The following GSDMA variants were observed in gnomAD, a reference collection of about 807,000 sequenced individuals.
GSDMA encodes gasdermin A, also known as gasdermin-A.
A neutral mutation model predicts 54.3 loss-of-function variants in GSDMA; 55 were observed. The observed-to-expected ratio is 1.01, with a 90% confidence interval of 0.82 to 1.27. The LOEUF is 1.27. Among genes scored for constraint, GSDMA ranks in the 50% most tolerant of loss-of-function variants. The pLI, the probability that GSDMA is intolerant of heterozygous loss-of-function variation, is 0.00. For synonymous variants in GSDMA, 211 were observed against 224.7 expected (o/e 0.94, Z 0.54); for missense variants, 542 against 542.6 (o/e 1.00, Z 0.01).
chr17:39,971,987 G>A, intron 5 of GSDMA, 142 bp from the exon 6 acceptor site: 2 of 610,822 alleles, frequency 3.3e-6, no homozygotes, highest in Non-Finnish European at 5.9e-6. Context: ...TTCCAGCAAT[G>A]GAGGTTGAAG....
intron 3 of GSDMA, among the ~76,000 whole-genome samples, chr17:39,967,114 T>C (rs1460351561): frequency 6.6e-6 from 1 of 152,180 alleles, no homozygotes; most frequent in Non-Finnish European, 1.5e-5. Context: ...AGCATGTATA[T>C]AGTAAAGCAC....
Position 39,972,573 on chromosome 17 carries a change from T to C in GSDMA, c.704-14T>C, listed in dbSNP as rs369345717. Reference sequence around the variant, plus strand: ...GGTTTTGTGCTGACAGATGTGCATTTTTTCTGTCTTCAGAAAAGTCAGGAG... The same window carrying C: ...GGTTTTGTGCTGACAGATGTGCATTCTTTCTGTCTTCAGAAAAGTCAGGAG... On this transcript the variant is annotated splice_polypyrimidine_tract_variant and intron_variant, in intron 6 of 11. Transcript: ENST00000301659. 3 of 1,612,542 alleles carry C rather than the reference T, an allele frequency of 1.9e-6. No homozygotes were observed. Among genetic ancestry groups the C allele is most frequent in the Non-Finnish European group, 2.5e-6 (3 of 1,179,270 alleles).
At chr17:39,975,098 A>AAATG (rs1980144344) in intron 10 of GSDMA, 84 bp downstream of exon 10, 1 of 761,288 alleles carries the variant, frequency 1.3e-6, no homozygotes, top group East Asian at 2.7e-5. Flanking sequence ...ATGGATGAAT[A>AAATG]AATGAATGAA....
intron 5 of GSDMA, 70 bp downstream of exon 5, chr17:39,971,690 C>T: frequency 2.6e-6 from 3 of 1,145,654 alleles, no homozygotes; most frequent in Non-Finnish European, 3.9e-6. Context: ...GCACCCTGGT[C>T]CCCTCTTGCG....
Position 39,971,617 on chromosome 17 carries a change from T to TG in GSDMA, c.655+1dup, listed in dbSNP as rs750907743. 6.2e-7 allele frequency: 1 copy of TG among 1,611,854 alleles called. No individual in the cohort carries two copies. The highest frequency in any genetic ancestry group is 8.5e-7 in the Non-Finnish European group (1 of 1,178,448). ...GCTGATGGTCAAAGGCAAAGATGAG[T>TG]GGGGTGAGCAGAGACCCGCATGTTC... On this transcript the variant is annotated frameshift_variant, in exon 5 of 12. Transcript: ENST00000301659. LOFTEE classifies it high-confidence loss of function.
intron 6 of GSDMA, among the ~76,000 whole-genome samples, 170 bp downstream of exon 6, chr17:39,972,346 G>A (rs1979991852): frequency 6.6e-6 from 1 of 152,074 alleles, no homozygotes; most frequent in Non-Finnish European, 1.5e-5. Context: ...GACAGATAGA[G>A]GCATATAAAT....
intron 5 of GSDMA, among the ~76,000 whole-genome samples, chr17:39,971,894 A>G (rs1979966002): frequency 6.6e-6 from 1 of 151,418 alleles, no homozygotes; most frequent in Non-Finnish European, 1.5e-5. Flanking sequence ...CTGTGGCCAA[A>G]GGAGGAAACA....
chr17:39,967,555 A>G (rs1054807818), intron 3 of GSDMA, among the ~76,000 whole-genome samples: 4 of 152,240 alleles, frequency 2.6e-5, no homozygotes, highest in Non-Finnish European at 5.9e-5. Context: ...TGTAGGCACC[A>G]GGAAGATCCT....
chr17:39,977,351 G>GTGCTGT lies in GSDMA; in HGVS notation c.*293_*294insTGCTGT. 3.8e-6 allele frequency: 1 copy of GTGCTGT among 260,606 alleles called. No individual in the cohort carries two copies. The highest frequency in any genetic ancestry group is 7.2e-6 in the Non-Finnish European group (1 of 138,208). The allele number at this position is 260,606 out of a possible 1,614,324, so 16.1% of individuals were successfully genotyped here. ...CTGTCACCCAGGCTGGAGTGCAGTG[G>GTGCTGT]CTTGATCTTGGCTCACTGCAACCTC... On this transcript the variant is annotated 3_prime_UTR_variant, in exon 12 of 12. Transcript: ENST00000301659.
chr17:39,972,642 CT>C, intron 7 of GSDMA, 29 bp downstream of exon 7: 1 of 1,599,128 alleles, frequency 6.3e-7, no homozygotes, highest in Non-Finnish European at 8.6e-7. Flanking sequence ...TCCACTGAAA[CT>C]TTCTTGACTC....
Position 39,974,416 on chromosome 17 carries a change from C to A in GSDMA, c.895C>A (p.Leu299Ile). 1 of 1,581,184 alleles carries A rather than the reference C, an allele frequency of 6.3e-7. No homozygotes were observed. The highest frequency in any genetic ancestry group is 8.6e-7 in the Non-Finnish European group (1 of 1,163,814). Residue 299 changes from leucine (L) to isoleucine (I), a missense_variant, in exon 9 of 12, where the codon CTT becomes ATT. By Grantham distance (5) the Leu-to-Ile change is conservative. Transcript: ENST00000301659. ...LLGKKKELQD[L>I]ELALEGALDK... ...AGGGAAGAAAAAGGAGCTACAAGACCTTGAGCTCGCAGTGAGGACCTAGTG... is the reference window on the plus strand; with the variant it reads ...AGGGAAGAAAAAGGAGCTACAAGACATTGAGCTCGCAGTGAGGACCTAGTG...
intron 3 of GSDMA, among the ~76,000 whole-genome samples, chr17:39,968,218 T>G (rs1026561571): frequency 6.6e-6 from 1 of 151,922 alleles, no homozygotes; most frequent in African/African-American, 2.4e-5. Flanking sequence ...TTTTGTATTA[T>G]TAGTAGAGAT....
intron 6 of GSDMA, 119 bp downstream of exon 6, chr17:39,972,295 T>A (rs1979989386): frequency 4.0e-6 from 3 of 757,314 alleles, no homozygotes; most frequent in Admixed American, 2.4e-5. Flanking sequence ...TCTGCTTTTG[T>A]TTCCCAAGTC....
In GSDMA at chr17:39,971,552, C is replaced by T. The variant is rs764666297; in HGVS notation, c.587C>T (p.Thr196Ile). 4.3e-6 allele frequency: 7 copies of T among 1,613,684 alleles called. No homozygotes were observed. The highest frequency in any genetic ancestry group is 5.1e-6 in the Non-Finnish European group (6 of 1,179,748). Residue 196 changes from threonine to isoleucine, a missense_variant, in exon 5 of 12, where the codon ACC becomes ATC. By Grantham distance (89) the Thr-to-Ile change is moderately conservative. Coordinates refer to ENST00000301659, the MANE Select transcript of GSDMA (RefSeq NM_178171.5). ...QGSINHKEAVTIPKGCVLAFR... is the reference protein window; with the variant it reads ...QGSINHKEAVIIPKGCVLAFR... Reference sequence around the variant, plus strand: ...TCCATAAATCACAAGGAGGCTGTAACCATCCCCAAGGGCTGCGTCCTGGCC... The same window carrying T: ...TCCATAAATCACAAGGAGGCTGTAATCATCCCCAAGGGCTGCGTCCTGGCC...
chr17:39,965,397 G>C, intron 1 of GSDMA: 1 of 425,118 alleles, frequency 2.4e-6, no homozygotes, highest in South Asian at 3.6e-5. Flanking sequence ...AATGAGCGTG[G>C]AGTGAGAAAA....
At chr17:39,975,179 T>C (rs191227728) in intron 10 of GSDMA, among the ~76,000 whole-genome samples, 165 bp downstream of exon 10, 3 of 152,364 alleles carry the variant, frequency 2.0e-5, no homozygotes, top group Non-Finnish European at 4.4e-5. Flanking sequence ...CTGGCTGCAG[T>C]GGCTCATGCC....
chr17:39,966,174 A>C, intron 2 of GSDMA, 86 bp from the exon 3 acceptor site: 2 of 1,421,856 alleles, frequency 1.4e-6, no homozygotes, highest in South Asian at 2.4e-5. Context: ...CAATCCTTCC[A>C]CCTTGGCCTC....
At chr17:39,971,353 G>A (rs923083526) in intron 4 of GSDMA, among the ~76,000 whole-genome samples, 171 bp from the exon 5 acceptor site, 1 of 152,098 alleles carries the variant, frequency 6.6e-6, no homozygotes, top group African/African-American at 2.4e-5. Context: ...TGAGCACAAG[G>A]ACTTTGAAGT....
chr17:39,964,285 C>T (rs1005298900), intron 1 of GSDMA, among the ~76,000 whole-genome samples: 1 of 152,102 alleles, frequency 6.6e-6, no homozygotes, highest in African/African-American at 2.4e-5. Flanking sequence ...TGCCTGGATC[C>T]TGGCTGGGCA....
Sources: allele counts gnomAD v4.1 joint callset (sites outside exome capture counted in the v4.1 genomes callset), GRCh38; gene constraint gnomAD v4.1.1; transcripts MANE v1.5; gene names NCBI Gene and HGNC (gene_info 2026-07-23, HGNC 2026-07-21).